LRRC4C: variants seen among roughly 807,000 people sequenced by gnomAD.
The protein encoded by LRRC4C is leucine rich repeat containing 4C.
In LRRC4C, 5 loss-of-function variants were observed where a neutral mutation model predicts 33.6. That is an observed-to-expected ratio of 0.15 (90% CI 0.08 to 0.31). The LOEUF (loss-of-function observed/expected upper bound fraction) is 0.31, where lower values mean the gene tolerates loss of function less well. Ranked by LOEUF, LRRC4C falls within the 10% of genes least tolerant of loss-of-function variation. The probability of loss-of-function intolerance (pLI) is 1.00; values close to 1 mark genes in which losing one functional copy is unlikely to be tolerated. For synonymous variants in LRRC4C, 329 were observed against 302.0 expected, an observed-to-expected ratio of 1.09 and a Z score of -0.93; for missense variants, 560 against 796.7, an observed-to-expected ratio of 0.70 and a Z score of 3.58.
At chr11:40,469,493 G>A (rs4325299) in intron 3 of LRRC4C, among the ~76,000 whole-genome samples, 62 of 152,022 alleles carry the variant, frequency 4.1e-4, no homozygotes, top group African/African-American at 1.5e-3. Flanking sequence ...GGAATTTTTT[G>A]TCATGCCCCA....
intron 4 of LRRC4C, among the ~76,000 whole-genome samples, chr11:40,311,070 C>A (rs909930153): frequency 6.6e-6 from 1 of 152,184 alleles, no homozygotes; most frequent in Admixed American, 6.5e-5. Flanking sequence ...ATATTCTGTG[C>A]AACCATACTT....
At chr11:40,492,648 C>A (rs1285923212) in intron 3 of LRRC4C, among the ~76,000 whole-genome samples, 1 of 152,024 alleles carries the variant, frequency 6.6e-6, no homozygotes, top group African/African-American at 2.4e-5. Context: ...TTTTAAAAAT[C>A]TTTCTAGGTA....
At chr11:40,947,128 T>A (rs928038197) in intron 1 of LRRC4C, among the ~76,000 whole-genome samples, 1 of 152,170 alleles carries the variant, frequency 6.6e-6, no homozygotes, top group South Asian at 2.1e-4. Flanking sequence ...AGGCTAATAG[T>A]GTAATATTTA....
intron 3 of LRRC4C, among the ~76,000 whole-genome samples, chr11:40,388,026 C>T (rs1043612143): frequency 6.6e-6 from 1 of 151,944 alleles, no homozygotes; most frequent in Non-Finnish European, 1.5e-5. Flanking sequence ...ATTTTTTATC[C>T]CCTAATAAAC....
chr11:40,730,373 C>G (rs942766657), intron 2 of LRRC4C, among the ~76,000 whole-genome samples: 1 of 151,960 alleles, frequency 6.6e-6, no homozygotes, highest in African/African-American at 2.4e-5. Context: ...ACGTAGAACC[C>G]CAAACGTTAT....
At chr11:40,871,639 T>C (rs1211738105) in intron 2 of LRRC4C, among the ~76,000 whole-genome samples, 1 of 152,086 alleles carries the variant, frequency 6.6e-6, no homozygotes, top group East Asian at 1.9e-4. Flanking sequence ...TACATCCAAA[T>C]GGCTCAAGCA....
intron 3 of LRRC4C, among the ~76,000 whole-genome samples, chr11:40,589,537 T>G (rs1958934133): frequency 1.3e-5 from 2 of 150,656 alleles, no homozygotes; most frequent in South Asian, 2.1e-4. Context: ...TAGCTGGTTA[T>G]TTTGCTCGTT....
At chr11:41,036,559 AAAG>A (rs1344441623) in intron 1 of LRRC4C, among the ~76,000 whole-genome samples, 1 of 152,202 alleles carries the variant, frequency 6.6e-6, no homozygotes, top group Non-Finnish European at 1.5e-5. Context: ...TCTGGTGGAA[AAAG>A]AAGTTTAAAT....
chr11:40,610,475 T>A (rs1394744866), intron 3 of LRRC4C, among the ~76,000 whole-genome samples: 1 of 151,828 alleles, frequency 6.6e-6, no homozygotes, highest in East Asian at 1.9e-4. Flanking sequence ...AAGGCAAGTA[T>A]GCCCACTCTC....
intron 2 of LRRC4C, among the ~76,000 whole-genome samples, chr11:40,770,304 C>A (rs4132216): frequency 0.59 from 89,732 of 151,830 alleles, 27,104 homozygotes; most frequent in Middle Eastern, 0.66. Context: ...GCAGAGAAGC[C>A]CCTTATAAAA....
chr11:40,278,671 ATAC>A, intron 4 of LRRC4C, among the ~76,000 whole-genome samples: 1 of 152,292 alleles, frequency 6.6e-6, no homozygotes, highest in Non-Finnish European at 1.5e-5. Context: ...TACAACTTCA[ATAC>A]CTATATACAA....
In LRRC4C at chr11:40,540,287, G is replaced by T. The variant is rs141842806; in HGVS notation, c.-270+107855C>A. ...GCGCTGGCAGTTCTTACTTTCAAAA[G>T]AACAATCAGAAGGAAACCCTTTCAG... On this transcript the variant is annotated intron_variant, in intron 3 of 6. Transcript: ENST00000528697. Among the ~76,000 whole-genome samples the T allele has an allele frequency of 2.2e-3, 329 of 152,208 alleles. 1 individual carries two copies. Among genetic ancestry groups the T allele is most frequent in the African/African-American group, 7.3e-3 (305 of 41,548 alleles).
chr11:40,787,451 G>A (rs1016018787), intron 2 of LRRC4C, among the ~76,000 whole-genome samples: 14 of 152,124 alleles, frequency 9.2e-5, no homozygotes, highest in Admixed American at 1.3e-4. Flanking sequence ...TCCTACTTCC[G>A]TTGCAACATT....
intron 1 of LRRC4C, among the ~76,000 whole-genome samples, chr11:41,068,992 C>T (rs555710794): frequency 9.9e-5 from 15 of 152,194 alleles, no homozygotes; most frequent in African/African-American, 3.4e-4. Context: ...GCCAATATTC[C>T]TGATAATATC....
chr11:41,166,477 T>C (rs966237091), intron 1 of LRRC4C, among the ~76,000 whole-genome samples: 9 of 152,362 alleles, frequency 5.9e-5, no homozygotes, highest in East Asian at 3.9e-4. Flanking sequence ...TGTGGAATTA[T>C]AATTAGTGGA....
intron 3 of LRRC4C, among the ~76,000 whole-genome samples, chr11:40,330,606 T>C (rs186039347): frequency 6.6e-6 from 1 of 152,122 alleles, no homozygotes; most frequent in Non-Finnish European, 1.5e-5. Context: ...AAACTTACTA[T>C]CATGGCGGAA....
At chr11:40,227,072 C>T (rs987889741) in intron 5 of LRRC4C, among the ~76,000 whole-genome samples, 3 of 152,174 alleles carry the variant, frequency 2.0e-5, no homozygotes, top group African/African-American at 7.2e-5. Flanking sequence ...CTTTGAAACA[C>T]AGCACACTGA....
intron 2 of LRRC4C, among the ~76,000 whole-genome samples, chr11:40,849,786 G>A (rs891120840): frequency 6.6e-6 from 1 of 151,766 alleles, no homozygotes; most frequent in African/African-American, 2.4e-5. Flanking sequence ...TCAAACATAG[G>A]TTTGATCATT....
At chr11:40,644,760 A>C (rs1387802831) in intron 3 of LRRC4C, among the ~76,000 whole-genome samples, 2 of 152,196 alleles carry the variant, frequency 1.3e-5, no homozygotes, top group Non-Finnish European at 2.9e-5. Context: ...TTAAGGGGGA[A>C]GTTAGAGATA....
Sources: allele counts gnomAD v4.1 joint callset (sites outside exome capture counted in the v4.1 genomes callset), GRCh38; gene constraint gnomAD v4.1.1; transcripts MANE v1.5; gene names NCBI Gene and HGNC (gene_info 2026-07-23, HGNC 2026-07-21).